Variants in CFAP299 observed in about 807,000 individuals in gnomAD.
CFAP299 encodes the protein cilia and flagella associated protein 299, also known as cilia- and flagella-associated protein 299.
A neutral mutation model predicts 27.0 loss-of-function variants in CFAP299; 21 were observed. The ratio of observed to expected loss-of-function variants is 0.78; its 90% CI spans 0.55 to 1.12. CFAP299 has a LOEUF of 1.12. Ranked by LOEUF, CFAP299 falls within the 50% of genes most tolerant of loss-of-function variation. CFAP299 has a pLI of 0.00. For missense variants in CFAP299, 310 were observed against 276.6 expected (o/e 1.12, Z -0.86); for synonymous variants, 104 against 98.1 (o/e 1.06, Z -0.36).
At chr4:80,383,046 T>G (rs1231297320) in intron 2 of CFAP299, among the ~76,000 whole-genome samples, 1 of 152,096 alleles carries the variant, frequency 6.6e-6, no homozygotes, top group African/African-American at 2.4e-5. Context: ...TAAATGGATA[T>G]GGAGGGCATT....
intron 3 of CFAP299, among the ~76,000 whole-genome samples, chr4:80,682,178 C>T (rs1719883103): frequency 6.6e-6 from 1 of 152,174 alleles, no homozygotes; most frequent in Non-Finnish European, 1.5e-5. Context: ...CTAATGTCAT[C>T]ATCCATAAAA....
chr4:80,388,678 G>T (rs1245014575), intron 2 of CFAP299: 2 of 1,011,588 alleles, frequency 2.0e-6, no homozygotes, highest in East Asian at 2.4e-5. Context: ...TGGTCTGGTT[G>T]TCCATTCCCT....
chr4:80,871,555 C>A, intron 4 of CFAP299: 1 of 985,410 alleles, frequency 1.0e-6, no homozygotes, highest in South Asian at 4.7e-5. Context: ...TCTGTGTCAC[C>A]TGTCTTGGCA....
chr4:80,602,778 C>T (rs529895671), intron 3 of CFAP299, among the ~76,000 whole-genome samples: 12 of 152,180 alleles, frequency 7.9e-5, no homozygotes, highest in South Asian at 2.1e-4. Context: ...AGTCTGCTCC[C>T]GTTGCAGATC....
chr4:80,736,556 GA>G (rs1164591830), intron 3 of CFAP299, among the ~76,000 whole-genome samples: 1 of 151,920 alleles, frequency 6.6e-6, no homozygotes, highest in Non-Finnish European at 1.5e-5. Context: ...AAAAACACAT[GA>G]AAAAATGCTC....
At chr4:80,948,948 C>T (rs933876453) in intron 5 of CFAP299, among the ~76,000 whole-genome samples, 4 of 152,074 alleles carry the variant, frequency 2.6e-5, no homozygotes, top group African/African-American at 9.7e-5. Flanking sequence ...CCTATATTAA[C>T]CCAAATAAGT....
rs1233776521 is a variant in CFAP299 at position 80,944,880 on chromosome 4, C to T, written c.547C>T (p.Pro183Ser). 3.1e-6 allele frequency: 5 copies of T among 1,612,292 alleles called. No individual in the cohort carries two copies. The highest frequency in any genetic ancestry group is 1.7e-5 in the Admixed American group (1 of 59,952). Residue 183 changes from proline (P) to serine (S), a missense_variant, in exon 5 of 6, where the codon CCA becomes TCA. Transcript: ENST00000358105. ...CAACTATCAAGTGATTGCCGATAAT[C>T]CAGAAGGCTTACTTTTCAGATACAA... is the stretch of plus-strand genomic sequence containing the variant. ...SPNYQVIADN[P>S]EGLLFRYKRD...
intron 3 of CFAP299, among the ~76,000 whole-genome samples, chr4:80,678,242 C>A (rs1015862005): frequency 6.6e-6 from 1 of 152,020 alleles, no homozygotes; most frequent in African/African-American, 2.4e-5. Context: ...AACCTTCAAG[C>A]TACTACTCTG....
intron 4 of CFAP299, among the ~76,000 whole-genome samples, chr4:80,896,701 G>A (rs1364805071): frequency 1.3e-5 from 2 of 152,092 alleles, no homozygotes; most frequent in Non-Finnish European, 2.9e-5. Context: ...ACATTTTGTA[G>A]TTTATAACAC....
intron 3 of CFAP299, among the ~76,000 whole-genome samples, chr4:80,710,717 G>A (rs536620555): frequency 6.6e-6 from 1 of 151,764 alleles, no homozygotes; most frequent in African/African-American, 2.4e-5. Flanking sequence ...CTTCAGCCCT[G>A]ACAGCATTTG....
At chr4:80,642,790 T>G (rs956860508) in intron 3 of CFAP299, among the ~76,000 whole-genome samples, 2 of 152,008 alleles carry the variant, frequency 1.3e-5, no homozygotes, top group African/African-American at 4.8e-5. Context: ...TAAAAAATTT[T>G]TTTCAGCATA....
chr4:80,710,483 C>CTTTTTTTTTTTTT (rs372010060), intron 3 of CFAP299, among the ~76,000 whole-genome samples: 2 of 95,050 alleles, frequency 2.1e-5, no homozygotes, highest in African/African-American at 3.7e-5. Flanking sequence ...TTTTCTTTTT[C>CTTTTTTTTTTTTT]TTTTTTTTTT....
At chr4:80,765,325 G>T (rs1353991779) in intron 3 of CFAP299, among the ~76,000 whole-genome samples, 5 of 152,128 alleles carry the variant, frequency 3.3e-5, no homozygotes, top group Non-Finnish European at 7.4e-5. Context: ...TCTTTATTCA[G>T]AGATGATATC....
chr4:80,704,134 C>T (rs950177342), intron 3 of CFAP299, among the ~76,000 whole-genome samples: 15 of 151,680 alleles, frequency 9.9e-5, no homozygotes, highest in Admixed American at 9.2e-4. Context: ...GGCAGCAATA[C>T]ATGGAATCAA....
intron 1 of CFAP299, among the ~76,000 whole-genome samples, chr4:80,336,311 T>C (rs1722138337): frequency 6.6e-6 from 1 of 152,222 alleles, no homozygotes; most frequent in South Asian, 2.1e-4. Context: ...ATGGCATCTT[T>C]ACACCAACCT....
At chr4:80,378,040 G>A (rs1003348788) in intron 2 of CFAP299, among the ~76,000 whole-genome samples, 13 of 152,040 alleles carry the variant, frequency 8.6e-5, no homozygotes, top group Non-Finnish European at 1.6e-4. Flanking sequence ...ATTCAATTAC[G>A]TCCCCTGGGG....
the CFAP299 span, among the ~76,000 whole-genome samples, chr4:80,323,401 GACAA>G: frequency 2.6e-5 from 4 of 152,158 alleles, no homozygotes; most frequent in East Asian, 1.9e-4. Flanking sequence ...CAGAAAGTAA[GACAA>G]ACAAATAAAT....
At chr4:80,813,744 A>C (rs1729278447) in intron 3 of CFAP299, among the ~76,000 whole-genome samples, 1 of 152,030 alleles carries the variant, frequency 6.6e-6, no homozygotes, top group Non-Finnish European at 1.5e-5. Flanking sequence ...ATTATAAAAC[A>C]AACAAAAATA....
chr4:80,345,782 A>T (rs543671009), intron 1 of CFAP299, among the ~76,000 whole-genome samples: 1 of 152,316 alleles, frequency 6.6e-6, no homozygotes, highest in Non-Finnish European at 1.5e-5. Context: ...TCCTTTGGGT[A>T]TGTACCCAGT....
Sources: gnomAD v4.1 joint callset for allele counts (sites outside exome capture counted in the v4.1 genomes callset) on GRCh38, gnomAD v4.1.1 for gene constraint, MANE v1.5 for transcripts, NCBI Gene and HGNC (gene_info 2026-07-23, HGNC 2026-07-21) for gene names.